Variants in CSNK2A2IP observed in about 807,000 individuals in gnomAD.
CSNK2A2IP encodes the protein casein kinase 2 subunit alpha' interacting protein.
chr3:88,457,888 A>G, the CSNK2A2IP span, among the ~76,000 whole-genome samples: 1 of 151,816 alleles, frequency 6.6e-6, no homozygotes, highest in Non-Finnish European at 1.5e-5. Context: ...TCAGACTCTG[A>G]AATTTCTTCT....
chr3:88,399,219 A>G, the CSNK2A2IP span, among the ~76,000 whole-genome samples: 1 of 152,190 alleles, frequency 6.6e-6, no homozygotes, highest in Admixed American at 6.5e-5. Context: ...TGTGAATTCT[A>G]TTACGAAAGA....
chr3:88,417,256 A>T, the CSNK2A2IP span, among the ~76,000 whole-genome samples: 1 of 152,116 alleles, frequency 6.6e-6, no homozygotes, highest in African/African-American at 2.4e-5. Context: ...TTATTTATTC[A>T]TCCTTTTTTT....
chr3:88,465,411 C>T, the CSNK2A2IP span: 1 of 1,231,670 alleles, frequency 8.1e-7, no homozygotes, highest in Non-Finnish European at 1.0e-6. Context: ...ACTACTTCTA[C>T]CAACTGTCCT....
chr3:88,423,689 T>C, the CSNK2A2IP span, among the ~76,000 whole-genome samples: 5 of 152,180 alleles, frequency 3.3e-5, no homozygotes, highest in Admixed American at 1.3e-4. Flanking sequence ...GCACTCGTTG[T>C]TTCCTCTCCT....
At chr3:88,368,231 C>A in the CSNK2A2IP span, among the ~76,000 whole-genome samples, 3 of 151,928 alleles carry the variant, frequency 2.0e-5, no homozygotes, top group African/African-American at 7.2e-5. Flanking sequence ...CTCTTCTAGG[C>A]ACTGGGGATA....
At chr3:88,377,495 G>C in the CSNK2A2IP span, among the ~76,000 whole-genome samples, 4,355 of 121,138 alleles carry the variant, frequency 0.036, 221 homozygotes, top group African/African-American at 0.1. Flanking sequence ...TATTACAATT[G>C]CTTTTTTTTT....
chr3:88,375,570 A>G, the CSNK2A2IP span, among the ~76,000 whole-genome samples: 1 of 151,716 alleles, frequency 6.6e-6, no homozygotes, highest in Admixed American at 6.6e-5. Context: ...CCCAGAGGAA[A>G]AGTGTTGATA....
the CSNK2A2IP span, among the ~76,000 whole-genome samples, chr3:88,383,703 C>G: frequency 8.2e-6 from 1 of 121,662 alleles, no homozygotes; most frequent in Non-Finnish European, 1.6e-5. Context: ...GTCACGCAGG[C>G]TTGAGTGTAG....
the CSNK2A2IP span, among the ~76,000 whole-genome samples, chr3:88,454,708 T>C: frequency 6.6e-6 from 1 of 152,004 alleles, no homozygotes; most frequent in Non-Finnish European, 1.5e-5. Context: ...AATATTTTGA[T>C]ATATGTATAC....
chr3:88,418,680 G>A, the CSNK2A2IP span, among the ~76,000 whole-genome samples: 1 of 151,996 alleles, frequency 6.6e-6, no homozygotes, highest in Non-Finnish European at 1.5e-5. Flanking sequence ...TGGTTGAGAG[G>A]GTACATGTGC....
At chr3:88,391,183 G>T in the CSNK2A2IP span, among the ~76,000 whole-genome samples, 233 of 152,078 alleles carry the variant, frequency 1.5e-3, 1 homozygote, top group Non-Finnish European at 2.4e-3. Context: ...TAGATATAGA[G>T]ATTTGTAGAT....
At chr3:88,458,363 C>A in the CSNK2A2IP span, among the ~76,000 whole-genome samples, 1 of 151,984 alleles carries the variant, frequency 6.6e-6, no homozygotes, top group Non-Finnish European at 1.5e-5. Flanking sequence ...GTTGGCCAGG[C>A]TGGTCTCGAA....
the CSNK2A2IP span, among the ~76,000 whole-genome samples, chr3:88,350,073 A>C: frequency 6.6e-6 from 1 of 152,050 alleles, no homozygotes; most frequent in Non-Finnish European, 1.5e-5. Context: ...TCCTTTCATC[A>C]AGTGTCTTCA....
chr3:88,385,244 G>C, the CSNK2A2IP span, among the ~76,000 whole-genome samples: 3 of 152,264 alleles, frequency 2.0e-5, no homozygotes, highest in East Asian at 1.9e-4. Flanking sequence ...GGTGAGGCGG[G>C]AGGAAAACTG....
chr3:88,466,419 C>T, the CSNK2A2IP span: 3 of 1,231,848 alleles, frequency 2.4e-6, no homozygotes, highest in East Asian at 9.5e-5. Context: ...ATGGCAAACA[C>T]AGAGTCACAC....
chr3:88,362,524 G>C, the CSNK2A2IP span, among the ~76,000 whole-genome samples: 4 of 152,168 alleles, frequency 2.6e-5, no homozygotes, highest in Non-Finnish European at 1.5e-5. Flanking sequence ...AGATACTCCT[G>C]TAGCCACCAC....
At chr3:88,459,082 G>A in the CSNK2A2IP span, among the ~76,000 whole-genome samples, 1 of 151,880 alleles carries the variant, frequency 6.6e-6, no homozygotes, top group Non-Finnish European at 1.5e-5. Context: ...AATTTCCAAT[G>A]ATAAGTTTTC....
At chr3:88,340,516 G>A in the CSNK2A2IP span, among the ~76,000 whole-genome samples, 1 of 151,920 alleles carries the variant, frequency 6.6e-6, no homozygotes, top group African/African-American at 2.4e-5. Flanking sequence ...TTAGTACCAA[G>A]ATCTCTCCCC....
the CSNK2A2IP span, among the ~76,000 whole-genome samples, chr3:88,455,633 TTC>T: frequency 6.6e-6 from 1 of 152,004 alleles, no homozygotes; most frequent in Non-Finnish European, 1.5e-5. Context: ...TGCACATATT[TTC>T]TCTTATTCTG....
Sources: allele counts gnomAD v4.1 joint callset (sites outside exome capture counted in the v4.1 genomes callset), GRCh38; gene constraint gnomAD v4.1.1; transcripts MANE v1.5; gene names NCBI Gene and HGNC (gene_info 2026-07-23, HGNC 2026-07-21).